Variants in CA4 observed in about 807,000 individuals in gnomAD.
The protein encoded by CA4 is CA-IV.
In CA4, 24 loss-of-function variants were observed where a neutral mutation model predicts 34.5. The observed-to-expected ratio is 0.70, with a 90% CI of 0.50 to 0.98. The LOEUF (loss-of-function observed/expected upper bound fraction) is 0.98. Among genes scored for constraint, CA4 ranks in the 50% least tolerant of loss-of-function variants. CA4 has a pLI of 0.00. For synonymous variants in CA4, 178 were observed against 170.6 expected (o/e 1.04, Z -0.34); for missense variants, 394 against 396.7 (o/e 0.99, Z 0.06).
At chr17:60,171,247 C>T (rs1022964762), downstream of CA4, among the ~76,000 whole-genome samples, 3 of 152,252 alleles carry the variant, frequency 2.0e-5, no homozygotes, top group East Asian at 5.8e-4. Context: ...TTTCCCCCAT[C>T]CCTCCCCAAG....
chr17:60,154,676 T>C (rs1438615181), intron 1 of CA4, among the ~76,000 whole-genome samples: 1 of 152,216 alleles, frequency 6.6e-6, no homozygotes, highest in Non-Finnish European at 1.5e-5. Context: ...CTGGGTTCTA[T>C]TGCCCTGAGG....
rs565854204 is a variant in CA4, at chr17:60,151,172, C to T, written c.58+1080C>T. Among the ~76,000 whole-genome samples the T allele has an allele frequency of 1.3e-4, 20 of 152,262 alleles. 1 individual carries two copies. Among genetic ancestry groups the T allele is most frequent in the African/African-American group, 4.8e-4 (20 of 41,550 alleles). ...CCCCAGACCCCATCACCGGAAGACC[C>T]CCTCTGCCAGTTCTCAGCCCAACCA... On this transcript the variant is annotated intron_variant, in intron 1 of 7. Coordinates refer to ENST00000300900, the MANE Select transcript of CA4 (RefSeq NM_000717.5).
chr17:60,174,527 C>A (rs345161), downstream of CA4, among the ~76,000 whole-genome samples: 20,178 of 151,596 alleles, frequency 0.13, 2,908 homozygotes, highest in African/African-American at 0.35. Context: ...GCTCCCCATT[C>A]TCTTACATTC....
At position 60,156,663 on chromosome 17, in the gene CA4, C is replaced by A. The variant is rs1253604988; in HGVS notation, c.216C>A (p.Phe72Leu). 6.2e-7 allele frequency: 1 copy of A among 1,613,988 alleles called. No individual in the cohort carries two copies. The highest frequency in any genetic ancestry group is 1.3e-5 in the African/African-American group (1 of 74,942). Residue 72 changes from phenylalanine to leucine, a missense_variant, in exon 3 of 8, where the codon TTC becomes TTA. Phe to Leu is a conservative substitution (Grantham distance 22). Coordinates refer to ENST00000300900, the MANE Select transcript of CA4 (RefSeq NM_000717.5). The part of the protein sequence containing the change: ...KVDKKLGRFF[F>L]SGYDKKQTWT... ...ACAAAAAACTGGGACGCTTCTTCTT[C>A]TCTGGCTACGATAAGAAGCAAACGT... is the stretch of plus-strand genomic sequence containing the variant.
downstream of CA4, among the ~76,000 whole-genome samples, chr17:60,173,391 G>A (rs1193253028): frequency 2.0e-5 from 3 of 152,138 alleles, no homozygotes; most frequent in African/African-American, 7.2e-5. Context: ...CCTCTGAAAC[G>A]CATCACTTGA....
At chr17:60,171,095 A>G (rs911834623), downstream of CA4, among the ~76,000 whole-genome samples, 1 of 152,262 alleles carries the variant, frequency 6.6e-6, no homozygotes, top group Non-Finnish European at 1.5e-5. Flanking sequence ...TGAAACATGC[A>G]TAGCATGGGG....
At chr17:60,170,237 G>A (rs1344131945) in intron 5 of CA4, among the ~76,000 whole-genome samples, 1 of 152,220 alleles carries the variant, frequency 6.6e-6, no homozygotes, top group East Asian at 1.9e-4. Context: ...CCCAGTTTAA[G>A]GGAGAAGGCA....
At chr17:60,152,960 A>T (rs2083617345) in intron 1 of CA4, among the ~76,000 whole-genome samples, 1 of 152,190 alleles carries the variant, frequency 6.6e-6, no homozygotes, top group Non-Finnish European at 1.5e-5. Context: ...CAAATTAATA[A>T]TATTTACTAC....
downstream of CA4, among the ~76,000 whole-genome samples, chr17:60,171,676 G>C (rs1365991476): frequency 6.6e-6 from 1 of 152,176 alleles, no homozygotes; most frequent in African/African-American, 2.4e-5. Context: ...ATCCACAGCG[G>C]TTGCCCAGGC....
intron 1 of CA4, among the ~76,000 whole-genome samples, chr17:60,152,105 C>T (rs969803179): frequency 3.9e-5 from 6 of 152,042 alleles, no homozygotes; most frequent in Admixed American, 3.9e-4. Context: ...GGGTGACAGG[C>T]GACTGACTTT....
At position 60,157,557 on chromosome 17, in the gene CA4, G is replaced by A. The variant is rs768984720; in HGVS notation, c.399G>A (p.Glu133=). The stretch of plus-strand genomic sequence containing the variant: ...GCTCGGAGCACAGCCTCGATGGGGA[G>A]CACTTTGCCATGGAGGTGAGGGCCC... ...YKGSEHSLDG[E]HFAMEMHIVH... The change falls in exon 4 of 8, where the codon GAG becomes GAA. Residue 133 remains glutamate, a synonymous_variant. Coordinates refer to ENST00000300900, the MANE Select transcript of CA4 (RefSeq NM_000717.5). 1 of 1,614,216 alleles carries A rather than the reference G, an allele frequency of 6.2e-7. No homozygotes were observed. The highest frequency in any genetic ancestry group is 1.1e-5 in the South Asian group (1 of 91,084).
In CA4 at chr17:60,155,539, T is replaced by TCACA. The variant is rs150431420; in HGVS notation, c.112+187_112+190dup. On this transcript the variant is annotated intron_variant, in intron 2 of 7. Transcript: ENST00000300900. ...CACACACACACTCTCTCTCTCTCTC[T>TCACA]CACACACACACACACACAGATATAC... Among the ~76,000 whole-genome samples, 1,293 of 141,700 alleles carry TCACA rather than the reference T, an allele frequency of 9.1e-3. 8 individuals carry two copies. Among genetic ancestry groups the TCACA allele is most frequent in the Non-Finnish European group, 0.014 (918 of 65,552 alleles). The allele number at this position is 141,700 out of a possible 152,430, so 93.0% of individuals were successfully genotyped here.
At chr17:60,177,181 G>T in the CA4 span, among the ~76,000 whole-genome samples, 1 of 152,208 alleles carries the variant, frequency 6.6e-6, no homozygotes, top group Admixed American at 6.5e-5. Flanking sequence ...AGAGAGGGAG[G>T]CTGAAGAATT....
Position 60,155,320 on chromosome 17 carries a change from A to G in CA4, c.65A>G (p.His22Arg). The G allele has an allele frequency of 6.2e-7, 1 of 1,611,256 alleles. No homozygotes were observed. Among genetic ancestry groups the G allele is most frequent in the Non-Finnish European group, 8.5e-7 (1 of 1,178,868 alleles). ...AARPSASAES[H>R]WCYEVQAESS... ...CCCTTCCTCTCTGCTCCAGAGTCAC[A>G]CTGGTGCTACGAGGTTCAAGCCGAG... Residue 22 changes from histidine to arginine, a missense_variant, in exon 2 of 8, where the codon CAC becomes CGC. Coordinates refer to ENST00000300900, the MANE Select transcript of CA4 (RefSeq NM_000717.5).
At chr17:60,162,170 G>A (rs935336739), downstream of CA4, among the ~76,000 whole-genome samples, 3 of 152,108 alleles carry the variant, frequency 2.0e-5, no homozygotes, top group Non-Finnish European at 4.4e-5. Context: ...GGCCACAGCA[G>A]GTGCTGCCAG....
At chr17:60,169,262 AAGC>A (rs75260260) in intron 5 of CA4, among the ~76,000 whole-genome samples, 296 of 149,514 alleles carry the variant, frequency 2.0e-3, no homozygotes, top group East Asian at 4.7e-3. Flanking sequence ...AAAAAAAAAA[AAGC>A]AGCAGCAGCA....
chr17:60,150,116 A>G, intron 1 of CA4, 24 bp downstream of exon 1: 1 of 1,585,828 alleles, frequency 6.3e-7, no homozygotes, highest in Non-Finnish European at 8.5e-7. Context: ...CTCCGGCCCC[A>G]GGTGCCCCTC....
chr17:60,167,166 T>A (rs1408415433), intron 5 of CA4, among the ~76,000 whole-genome samples: 1 of 152,220 alleles, frequency 6.6e-6, no homozygotes, highest in African/African-American at 2.4e-5. Context: ...TCCTTGCTGC[T>A]TCCCTTATAC....
Position 60,159,324 on chromosome 17 carries a change from C to A in CA4, c.839C>A (p.Thr280Lys). The A allele has an allele frequency of 6.2e-7, 1 of 1,609,544 alleles. No homozygotes were observed. The highest frequency in any genetic ancestry group is 8.5e-7 in the Non-Finnish European group (1 of 1,178,032). ...CCCCTGCAGCAGCTGGGGCAGCGCA[C>A]GGTGATAAAGTCCGGGGCCCCGGGT... ...VRPLQQLGQRTVIKSGAPGRP... is the reference protein window; with the variant it reads ...VRPLQQLGQRKVIKSGAPGRP... Residue 280 changes from threonine (T) to lysine (K), a missense_variant, in exon 8 of 8, where the codon ACG (threonine) becomes AAG (lysine). Coordinates refer to ENST00000300900, the MANE Select transcript of CA4 (RefSeq NM_000717.5).
Sources: allele counts gnomAD v4.1 joint callset (sites outside exome capture counted in the v4.1 genomes callset), GRCh38; gene constraint gnomAD v4.1.1; transcripts MANE v1.5; gene names NCBI Gene and HGNC (gene_info 2026-07-23, HGNC 2026-07-21).